The following GRIN2D variants were observed in gnomAD, a reference collection of about 807,000 sequenced individuals.
GRIN2D encodes the protein glutamate receptor ionotropic, NMDA 2D.
Under a neutral mutation model 103.2 loss-of-function variants are expected in GRIN2D, and 37 were observed. The observed-to-expected ratio is 0.36, with a 90% CI of 0.28 to 0.47. GRIN2D has a LOEUF of 0.47. GRIN2D is among the 20% of genes least tolerant of loss of function. GRIN2D has a pLI of 1.00. For synonymous variants in GRIN2D, 845 were observed against 885.6 expected, an observed-to-expected ratio of 0.95 and a Z score of 0.81; for missense variants, 1,557 against 1,910.6, an observed-to-expected ratio of 0.81 and a Z score of 3.45.
intron 4 of GRIN2D, among the ~76,000 whole-genome samples, chr19:48,412,458 AAAGAAAG>A (rs1970880331): frequency 6.6e-6 from 1 of 150,898 alleles, no homozygotes; most frequent in Non-Finnish European, 1.5e-5. Context: ...AGAAAGAAAG[AAAGAAAG>A]AAAGAAAGAA....
At chr19:48,429,678 C>A (rs1297239342) in intron 11 of GRIN2D, among the ~76,000 whole-genome samples, 1 of 151,878 alleles carries the variant, frequency 6.6e-6, no homozygotes, top group Admixed American at 6.6e-5. Flanking sequence ...GGATTACAGG[C>A]ATGAGCCACC....
chr19:48,418,429 G>A (rs995280347), intron 8 of GRIN2D, among the ~76,000 whole-genome samples: 5 of 152,120 alleles, frequency 3.3e-5, no homozygotes, highest in South Asian at 2.1e-4. Flanking sequence ...TTGTCCTGGG[G>A]GTGCTAGGGA....
rs1971315194 is a variant in GRIN2D at position 48,442,769 on chromosome 19, G to A, written c.2843G>A (p.Gly948Asp). ...GTGGACCGCTGGCGCCGGACCAAGG[G>A]CGCGGGGCCGCCGGGGGGCGCGGGC... is the stretch of plus-strand genomic sequence containing the variant. ...ASVDRWRRTK[G>D]AGPPGGAGLA... The change falls in exon 14 of 14, where the codon GGC becomes GAC. Residue 948 changes from glycine (G) to aspartate (D), a missense_variant. Physicochemically the swap from Gly to Asp is moderately conservative, Grantham distance 94 (BLOSUM62 -1). Coordinates refer to ENST00000263269, the MANE Select transcript of GRIN2D (RefSeq NM_000836.4). The surrounding 1 kb of genome is among the most constrained non-coding windows in gnomAD (Gnocchi z 7.2). The A allele has an allele frequency of 3.7e-6, 4 of 1,070,946 alleles. No individual in the cohort carries two copies. Among genetic ancestry groups the A allele is most frequent in the Non-Finnish European group, 3.4e-6 (3 of 886,500 alleles). The allele number at this position is 1,070,946 out of a possible 1,614,324, so 66.3% of individuals were successfully genotyped here.
At chr19:48,401,643 G>A (rs76091988) in intron 3 of GRIN2D, among the ~76,000 whole-genome samples, 8,372 of 152,250 alleles carry the variant, frequency 0.055, 272 homozygotes, top group Middle Eastern at 0.099. Context: ...AAGCAACGGG[G>A]GCCAGTTCAC....
Position 48,442,283 on chromosome 19 carries a change from G to A in GRIN2D, c.2574G>A (p.Leu858=), listed in dbSNP as rs748774297. The A allele has an allele frequency of 1.2e-6, 2 of 1,614,166 alleles. No individual in the cohort carries two copies. Among genetic ancestry groups the A allele is most frequent in the African/African-American group, 1.3e-5 (1 of 75,042 alleles). The part of the protein sequence containing the change: ...VFYMLLVAMG[L]SLLVFAWEHL... Reference sequence around the variant, plus strand: ...ACATGCTCCTGGTGGCCATGGGCCTGTCCCTGCTGGTCTTCGCCTGGGAGC... The same window carrying A: ...ACATGCTCCTGGTGGCCATGGGCCTATCCCTGCTGGTCTTCGCCTGGGAGC... Residue 858 remains leucine (L), a synonymous_variant, in exon 13 of 14, where the codon CTG becomes CTA. Coordinates refer to ENST00000263269, the MANE Select transcript of GRIN2D (RefSeq NM_000836.4). This position sits in a 1 kb window ranked among gnomAD's most constrained non-coding sequence, Gnocchi z 7.2.
intron 3 of GRIN2D, 87 bp downstream of exon 3, chr19:48,398,944 G>T (rs1970677474): frequency 1.1e-6 from 1 of 932,512 alleles, no homozygotes; most frequent in South Asian, 2.9e-5. Flanking sequence ...CGGGGGCGGG[G>T]CCTAGAGGGG....
chr19:48,398,538 G>A lies in GRIN2D; in HGVS notation c.146G>A (p.Arg49Gln). The A allele has an allele frequency of 2.7e-6, 3 of 1,106,980 alleles. No homozygotes were observed. The highest frequency in any genetic ancestry group is 3.3e-6 in the Non-Finnish European group (3 of 908,836). 68.6% of individuals were successfully genotyped at this position (1,106,980 alleles called of 1,614,324 possible). ...GGPGGGLGGA[R>Q]PLNVALVFSG... ...CCCGGCGGCGGCCTCGGCGGGGCGC[G>A]GCCGCTCAACGTGGCGCTCGTGTTC... The change falls in exon 3 of 14, where the codon CGG becomes CAG. Residue 49 changes from arginine (R) to glutamine (Q), a missense_variant. By Grantham distance (43) the Arg-to-Gln change is conservative. Coordinates refer to ENST00000263269, the MANE Select transcript of GRIN2D (RefSeq NM_000836.4).
At chr19:48,433,947 T>C (rs1177435339) in intron 11 of GRIN2D, among the ~76,000 whole-genome samples, 1 of 151,424 alleles carries the variant, frequency 6.6e-6, no homozygotes, top group Non-Finnish European at 1.5e-5. Context: ...TGGCCGCTTC[T>C]TTTCTTTTTT....
In GRIN2D at chr19:48,394,502, G is replaced by A. The variant is rs929715132; in HGVS notation, c.-305-156G>A. 1.3e-5 allele frequency among the ~76,000 whole-genome samples: 2 copies of A among 149,780 alleles called. No individual in the cohort carries two copies. The highest frequency in any genetic ancestry group is 4.9e-5 in the African/African-American group (2 of 40,698). Reference sequence around the variant, plus strand: ...CAAAGCGGGGGTGCGAGTGAGCCAGGGAGAGGCGGGACTGGACACATGGAA... The same window carrying A: ...CAAAGCGGGGGTGCGAGTGAGCCAGAGAGAGGCGGGACTGGACACATGGAA... On this transcript the variant is annotated intron_variant, in intron 1 of 13. Coordinates refer to ENST00000263269, the MANE Select transcript of GRIN2D (RefSeq NM_000836.4). The surrounding 1 kb of genome is among the most constrained non-coding windows in gnomAD (Gnocchi z 5.1).
chr19:48,436,559 A>T (rs548383756), intron 11 of GRIN2D, among the ~76,000 whole-genome samples: 1 of 152,328 alleles, frequency 6.6e-6, no homozygotes, highest in African/African-American at 2.4e-5. Context: ...CCAGGCAAGA[A>T]GGGGGTCTTT....
intron 11 of GRIN2D, among the ~76,000 whole-genome samples, chr19:48,426,519 C>G (rs1373628160): frequency 6.6e-6 from 1 of 151,716 alleles, no homozygotes; most frequent in Non-Finnish European, 1.5e-5. Flanking sequence ...AGCCATCATG[C>G]CTAGCTGAAT....
Position 48,442,428 on chromosome 19 carries a change from G to A in GRIN2D, c.2673+46G>A, listed in dbSNP as rs1299300211. ...CAGAGAGGGGGAGATGGCAGGGGCG[G>A]GGACAAAGGTAAAGCCGAGCAGAGA... On this transcript the variant is annotated intron_variant, in intron 13 of 13. Transcript: ENST00000263269. This position sits in a 1 kb window ranked among gnomAD's most constrained non-coding sequence, Gnocchi z 7.2. 7 of 1,574,312 alleles carry A rather than the reference G, an allele frequency of 4.4e-6. No individual in the cohort carries two copies. In the African/African-American group the frequency reaches 6.7e-5, roughly 15 times the overall value.
At chr19:48,402,378 TGA>T (rs1555891812) in intron 3 of GRIN2D, among the ~76,000 whole-genome samples, 3 of 151,580 alleles carry the variant, frequency 2.0e-5, no homozygotes, top group Admixed American at 6.6e-5. Context: ...TCAGGGTGAA[TGA>T]GAGAGAGAGG....
chr19:48,429,764 G>C (rs923059183), intron 11 of GRIN2D, among the ~76,000 whole-genome samples: 4 of 150,666 alleles, frequency 2.7e-5, no homozygotes, highest in African/African-American at 9.8e-5. Flanking sequence ...TCACTATGTT[G>C]CTTAGGCTGG....
At position 48,426,224 on chromosome 19, in the gene GRIN2D, C is replaced by T. The variant is rs867519756; in HGVS notation, c.2252+4279C>T. ...TTTCTTTTTCTTTCTTTCTTTCTTTCTTTTTTTTTTTTTTTTTCTGAAACA... is the reference window on the plus strand; with the variant it reads ...TTTCTTTTTCTTTCTTTCTTTCTTTTTTTTTTTTTTTTTTTTTCTGAAACA... On this transcript the variant is annotated intron_variant, in intron 11 of 13. Transcript: ENST00000263269. Among the ~76,000 whole-genome samples the T allele has an allele frequency of 2.0e-3, 235 of 120,006 alleles. 1 individual carries two copies. The highest frequency in any genetic ancestry group is 6.1e-3 in the African/African-American group (170 of 27,904). The allele number at this position is 120,006 out of a possible 152,430, so 78.7% of individuals were successfully genotyped here. A position where few individuals can be genotyped will look rare whatever the true frequency, so the allele number is the denominator to read the frequency against.
At chr19:48,403,198 CA>C (rs145115482) in intron 3 of GRIN2D, among the ~76,000 whole-genome samples, 1,811 of 90,594 alleles carry the variant, frequency 0.02, 5 homozygotes, top group African/African-American at 0.058. Flanking sequence ...GACTCTGTCT[CA>C]AAAAAAAAAA....
At chr19:48,438,533 C>T (rs1434796395) in intron 11 of GRIN2D, among the ~76,000 whole-genome samples, 3 of 151,886 alleles carry the variant, frequency 2.0e-5, no homozygotes, top group Middle Eastern at 3.4e-3. Context: ...CTCCTGACCT[C>T]GTGATCCGCC....
At chr19:48,413,058 C>A (rs1409111776) in intron 4 of GRIN2D, among the ~76,000 whole-genome samples, 1 of 145,062 alleles carries the variant, frequency 6.9e-6, no homozygotes, top group Non-Finnish European at 1.5e-5. Context: ...ATTGCTTGAA[C>A]CCGGGAGGCG....
At chr19:48,402,162 A>G (rs368311156) in intron 3 of GRIN2D, among the ~76,000 whole-genome samples, 21 of 60,296 alleles carry the variant, frequency 3.5e-4, no homozygotes, top group African/African-American at 1.5e-3. Flanking sequence ...GAAAGAAAGA[A>G]AGAAAGAGAG....
Sources: gnomAD v4.1 joint callset for allele counts (sites outside exome capture counted in the v4.1 genomes callset) on GRCh38, gnomAD v4.1.1 for gene constraint, Gnocchi (gnomAD v3.1) non-coding constraint, MANE v1.5 for transcripts, NCBI Gene and HGNC (gene_info 2026-07-23, HGNC 2026-07-21) for gene names.